RERE: variants seen among roughly 807,000 people sequenced by gnomAD.
RERE encodes the protein arginine-glutamic acid dipeptide repeats protein.
Under a neutral mutation model 146.1 loss-of-function variants are expected in RERE, and 40 were observed. That is an observed-to-expected ratio of 0.27 (90% CI 0.21 to 0.36). The LOEUF (loss-of-function observed/expected upper bound fraction) is 0.36. Ranked by LOEUF, RERE falls within the 10% of genes least tolerant of loss-of-function variation. RERE has a pLI of 1.00. For synonymous variants in RERE, 1,003 were observed against 866.0 expected (o/e 1.16, Z -2.78); for missense variants, 1,933 against 2,138.7 (o/e 0.90, Z 1.90).
chr1:8,620,962 A>T (rs551823982), intron 3 of RERE, among the ~76,000 whole-genome samples: 5 of 152,126 alleles, frequency 3.3e-5, no homozygotes, highest in African/African-American at 4.8e-5. Flanking sequence ...CTCAGTTAGG[A>T]ACTTAATTGC....
rs557642568 is a variant in RERE at position 8,396,742 on chromosome 1, G to A, written c.1284+25985C>T. Among the ~76,000 whole-genome samples, 9 of 152,158 alleles carry A rather than the reference G, an allele frequency of 5.9e-5. No homozygotes were observed. The South Asian group carries it at 8.3e-4, about 14-fold the overall frequency. ...GAGGCAGTTAATACATCTACAATGC[G>A]TGCAGCCCTCAGATCTAATTCCAAA... is the stretch of plus-strand genomic sequence containing the variant. On this transcript the variant is annotated intron_variant, in intron 12 of 22. Coordinates refer to ENST00000400908, the MANE Select transcript of RERE (RefSeq NM_001042681.2).
chr1:8,364,216 A>G lies in RERE; in HGVS notation c.1580T>C (p.Leu527Pro). Reference protein sequence around the residue: ...DWHHGGRENILLCTDCRIHFK... With the variant: ...DWHHGGRENIPLCTDCRIHFK... ...GTGGATGCGACAGTCGGTGCAAAGC[A>G]GGATGTTCTCCCGGCCTCCGTGGTG... is the stretch of plus-strand genomic sequence containing the variant. The change falls in exon 15 of 23, where the codon CTG becomes CCG. Residue 527 changes from leucine (L) to proline (P), a missense_variant. Physicochemically the swap from Leu to Pro is moderately conservative, Grantham distance 98. Transcript: ENST00000400908. The surrounding 1 kb of genome is among the most constrained non-coding windows in gnomAD (Gnocchi z 5.1). 1 of 1,614,176 alleles carries G rather than the reference A, an allele frequency of 6.2e-7. No individual in the cohort carries two copies. The highest frequency in any genetic ancestry group is 8.5e-7 in the Non-Finnish European group (1 of 1,180,030).
intron 1 of RERE, among the ~76,000 whole-genome samples, chr1:8,799,831 A>C (rs1641552864): frequency 1.3e-5 from 2 of 151,094 alleles, no homozygotes; most frequent in Non-Finnish European, 2.9e-5. Flanking sequence ...CTTTTTTTTA[A>C]GATGGAGTCT....
intron 1 of RERE, among the ~76,000 whole-genome samples, chr1:8,781,307 G>A (rs1251551781): frequency 6.6e-6 from 1 of 150,492 alleles, no homozygotes; most frequent in Non-Finnish European, 1.5e-5. Flanking sequence ...AGTGAGCCAA[G>A]ATCATGCCGC....
rs7512271 is a variant in RERE, at chr1:8,655,912, T to C, written c.325+61A>G. On this transcript the variant is annotated intron_variant, in intron 2 of 22. Coordinates refer to ENST00000400908, the MANE Select transcript of RERE (RefSeq NM_001042681.2). ...TGTACAAAGCGTATTTATTTCACCA[T>C]AATGCCAAGATCATTCCCCCACTGT... 2.9e-3 allele frequency: 4,556 copies of C among 1,564,264 alleles called. 123 individuals are homozygous for C. In the African/African-American group the frequency reaches 0.056, roughly 19 times the overall value.
At chr1:8,496,500 C>CAA (rs148050643) in intron 9 of RERE, among the ~76,000 whole-genome samples, 3 of 144,774 alleles carry the variant, frequency 2.1e-5, no homozygotes, top group South Asian at 2.2e-4. Context: ...AAGTAACAAC[C>CAA]AAAAAAAAAA....
At chr1:8,369,949 C>T (rs192604057) in intron 12 of RERE, among the ~76,000 whole-genome samples, 15 of 152,072 alleles carry the variant, frequency 9.9e-5, no homozygotes, top group Non-Finnish European at 2.1e-4. Flanking sequence ...GCCACCAGCC[C>T]GGCTAATTTT....
chr1:8,604,628 GGAAGGAAGGAAGGAAGGAAGGA>G lies in RERE; in HGVS notation c.522+9911_522+9932del, dbSNP rs1646678269. On this transcript the variant is annotated intron_variant, in intron 4 of 22. Coordinates refer to ENST00000400908, the MANE Select transcript of RERE (RefSeq NM_001042681.2). Reference sequence around the variant, plus strand: ...AGGGAGGGAGGGAGGGAGGGAGGAAGGAAGGAAGGAAGGAAGGAAGGAAGGAAGGAAGGAAGGAAGGAAGGAA... The same window carrying G: ...AGGGAGGGAGGGAGGGAGGGAGGAAGAGGAAGGAAGGAAGGAAGGAAGGAA... 3.1e-4 allele frequency among the ~76,000 whole-genome samples: 41 copies of G among 133,464 alleles called. 2 individuals are homozygous for G. The highest frequency in any genetic ancestry group is 1.3e-3 in the African/African-American group (41 of 30,896). 87.6% of individuals were successfully genotyped at this position (133,464 alleles called of 152,430 possible).
chr1:8,423,148 A>C lies in RERE; in HGVS notation c.1204-341T>G. 1 of 214,756 alleles carries C rather than the reference A, an allele frequency of 4.7e-6. No homozygotes were observed. The highest frequency in any genetic ancestry group is 9.6e-6 in the Non-Finnish European group (1 of 104,230). The allele number at this position is 214,756 out of a possible 1,614,324, so 13.3% of individuals were successfully genotyped here. A position where few individuals can be genotyped will look rare whatever the true frequency, so the allele number is the denominator to read the frequency against. On this transcript the variant is annotated intron_variant, in intron 11 of 22. Transcript: ENST00000400908. This position sits in a 1 kb window ranked among gnomAD's most constrained non-coding sequence, Gnocchi z 5.4. ...ATAAATATGCTCCATGTTTTAATAAAACACAACTGCTTTCCCACCTGAGAA... is the reference window on the plus strand; with the variant it reads ...ATAAATATGCTCCATGTTTTAATAACACACAACTGCTTTCCCACCTGAGAA...
intron 1 of RERE, among the ~76,000 whole-genome samples, chr1:8,731,777 TTTTTTTG>T (rs1367300323): frequency 1.4e-4 from 3 of 20,964 alleles, no homozygotes; most frequent in South Asian, 7.4e-4. Flanking sequence ...AAACATAATG[TTTTTTTG>T]TTTGTTTGTT....
At position 8,531,005 on chromosome 1, in the gene RERE, T is replaced by TTTTC. The variant is rs936563766; in HGVS notation, c.830+10205_830+10208dup. Among the ~76,000 whole-genome samples, 170 of 143,332 alleles carry TTTTC rather than the reference T, an allele frequency of 1.2e-3. 1 individual carries two copies. Among genetic ancestry groups the TTTTC allele is most frequent in the Non-Finnish European group, 1.8e-3 (119 of 65,502 alleles). The allele number at this position is 143,332 out of a possible 152,430, so 94.0% of individuals were successfully genotyped here. A position where few individuals can be genotyped will look rare whatever the true frequency, so the allele number is the denominator to read the frequency against. Reference sequence around the variant, plus strand: ...CGCGCCCGGCCTGAACTGAACTGAGTTTTCTATCTATCTATCTATCTATCT... The same window carrying TTTTC: ...CGCGCCCGGCCTGAACTGAACTGAGTTTTCTTTCTATCTATCTATCTATCTATCT... On this transcript the variant is annotated intron_variant, in intron 7 of 22. Transcript: ENST00000400908.
chr1:8,567,851 C>T (rs1166347171), intron 4 of RERE, among the ~76,000 whole-genome samples: 9 of 152,156 alleles, frequency 5.9e-5, no homozygotes, highest in African/African-American at 4.8e-5. Context: ...ATAAACTGTA[C>T]GTCAAGGGGA....
chr1:8,439,630 A>C (rs1397242746), intron 11 of RERE, among the ~76,000 whole-genome samples: 1 of 152,264 alleles, frequency 6.6e-6, no homozygotes, highest in Non-Finnish European at 1.5e-5. Flanking sequence ...GGAGCAAGAA[A>C]GGTCAATGAC....
chr1:8,494,867 C>G (rs986091845), intron 10 of RERE, among the ~76,000 whole-genome samples, 196 bp downstream of exon 10: 1 of 152,144 alleles, frequency 6.6e-6, no homozygotes, highest in African/African-American at 2.4e-5. Context: ...ACCTGCAGCA[C>G]AGACACAGAT....
At chr1:8,562,652 A>T (rs1282638656) in intron 4 of RERE, among the ~76,000 whole-genome samples, 1 of 151,986 alleles carries the variant, frequency 6.6e-6, no homozygotes, top group Non-Finnish European at 1.5e-5. Flanking sequence ...AATTTTTAAA[A>T]TTTTTTTGTA....
intron 4 of RERE, among the ~76,000 whole-genome samples, chr1:8,594,487 A>G (rs1274615088): frequency 6.6e-6 from 1 of 152,216 alleles, no homozygotes; most frequent in African/African-American, 2.4e-5. Context: ...TTACAGTGGT[A>G]ACAAAGCATC....
chr1:8,666,431 G>A (rs533875920), intron 1 of RERE, among the ~76,000 whole-genome samples: 4 of 152,226 alleles, frequency 2.6e-5, no homozygotes, highest in Non-Finnish European at 4.4e-5. Context: ...TGCTAGCCCT[G>A]CCTCCAAGAG....
intron 1 of RERE, among the ~76,000 whole-genome samples, chr1:8,679,099 T>C (rs1638908362): frequency 6.6e-6 from 1 of 152,210 alleles, no homozygotes; most frequent in Non-Finnish European, 1.5e-5. Context: ...CCACTGAAAG[T>C]TCTATTCCAC....
chr1:8,733,460 C>T (rs551416260), intron 1 of RERE, among the ~76,000 whole-genome samples: 10 of 152,374 alleles, frequency 6.6e-5, no homozygotes, highest in African/African-American at 1.2e-4. Flanking sequence ...TCCAAGGCTA[C>T]GTCATAAAAG....
Sources: gnomAD v4.1 joint callset for allele counts (sites outside exome capture counted in the v4.1 genomes callset) on GRCh38, gnomAD v4.1.1 for gene constraint, Gnocchi (gnomAD v3.1) non-coding constraint, MANE v1.5 for transcripts, NCBI Gene and HGNC (gene_info 2026-07-23, HGNC 2026-07-21) for gene names.